CAMKMT: variants seen among roughly 807,000 people sequenced by gnomAD.
CAMKMT encodes calmodulin-lysine N-methyltransferase.
In CAMKMT, 53 loss-of-function variants were observed where a neutral mutation model predicts 48.0. The observed-to-expected ratio is 1.10, with a 90% CI of 0.89 to 1.39. CAMKMT has a LOEUF of 1.39. Among genes scored for constraint, CAMKMT ranks in the 40% most tolerant of loss-of-function variants. CAMKMT has a pLI of 0.00. For synonymous variants in CAMKMT, 165 were observed against 152.3 expected, an observed-to-expected ratio of 1.08 and a Z score of -0.61; for missense variants, 428 against 402.7, an observed-to-expected ratio of 1.06 and a Z score of -0.54.
chr2:44,577,563 G>C (rs1385811188), intron 3 of CAMKMT, among the ~76,000 whole-genome samples: 1 of 151,370 alleles, frequency 6.6e-6, no homozygotes, highest in Non-Finnish European at 1.5e-5. Context: ...AGGCTGCAGT[G>C]ATCTATGATC....
intron 7 of CAMKMT, among the ~76,000 whole-genome samples, chr2:44,734,439 G>A (rs1239777683): frequency 3.3e-5 from 5 of 151,690 alleles, no homozygotes; most frequent in African/African-American, 1.2e-4. Flanking sequence ...TTTTGAGACA[G>A]GTTCTCGCTG....
At chr2:44,539,536 C>A (rs1181417831) in intron 3 of CAMKMT, among the ~76,000 whole-genome samples, 1 of 152,118 alleles carries the variant, frequency 6.6e-6, no homozygotes, top group African/African-American at 2.4e-5. Flanking sequence ...AAACCATATT[C>A]AGATTTCATC....
intron 3 of CAMKMT, among the ~76,000 whole-genome samples, chr2:44,501,759 T>C (rs1370804326): frequency 6.6e-6 from 1 of 152,128 alleles, no homozygotes; most frequent in Non-Finnish European, 1.5e-5. Flanking sequence ...GGCTCGTGCT[T>C]GTAGTCCCAG....
intron 3 of CAMKMT, among the ~76,000 whole-genome samples, chr2:44,396,312 A>AAGT (rs1681836052): frequency 6.6e-6 from 1 of 152,186 alleles, no homozygotes; most frequent in South Asian, 2.1e-4. Flanking sequence ...AAAAATTGAA[A>AAGT]TACAAATTAC....
chr2:44,420,370 G>A (rs1445749665), intron 3 of CAMKMT, among the ~76,000 whole-genome samples: 1 of 151,970 alleles, frequency 6.6e-6, no homozygotes, highest in Non-Finnish European at 1.5e-5. Context: ...TTGCTAGAGG[G>A]GCAATATATA....
At chr2:44,620,408 A>C (rs1293311775) in intron 3 of CAMKMT, among the ~76,000 whole-genome samples, 1 of 152,146 alleles carries the variant, frequency 6.6e-6, no homozygotes, top group Non-Finnish European at 1.5e-5. Flanking sequence ...TTAACCCTAC[A>C]TAAAGCTAAA....
At chr2:44,736,737 A>G (rs898995020) in intron 7 of CAMKMT, among the ~76,000 whole-genome samples, 1 of 152,040 alleles carries the variant, frequency 6.6e-6, no homozygotes, top group African/African-American at 2.4e-5. Context: ...TTCTATCACT[A>G]TGTTTTCAAG....
At chr2:44,434,721 T>C (rs1684848780) in intron 3 of CAMKMT, among the ~76,000 whole-genome samples, 1 of 152,220 alleles carries the variant, frequency 6.6e-6, no homozygotes, top group South Asian at 2.1e-4. Context: ...AGAGATGCTG[T>C]AAATTCCTCT....
chr2:44,444,922 A>AC (rs754228920), intron 3 of CAMKMT, among the ~76,000 whole-genome samples: 1 of 151,994 alleles, frequency 6.6e-6, no homozygotes, highest in African/African-American at 2.4e-5. Flanking sequence ...AGTCCATGCA[A>AC]CCCCCCAAGA....
At chr2:44,562,126 C>G (rs1668355840) in intron 3 of CAMKMT, among the ~76,000 whole-genome samples, 1 of 152,188 alleles carries the variant, frequency 6.6e-6, no homozygotes, top group Non-Finnish European at 1.5e-5. Flanking sequence ...GGCTTTGTAA[C>G]TTGCCACCCA....
intron 3 of CAMKMT, among the ~76,000 whole-genome samples, chr2:44,475,365 T>G (rs1380938308): frequency 1.3e-5 from 2 of 151,450 alleles, no homozygotes; most frequent in African/African-American, 2.4e-5. Context: ...TCACCCAGGC[T>G]GGAGTGCAGT....
intron 3 of CAMKMT, among the ~76,000 whole-genome samples, chr2:44,635,621 C>G (rs1673085396): frequency 6.6e-6 from 1 of 152,134 alleles, no homozygotes; most frequent in African/African-American, 2.4e-5. Context: ...AAGATTTGAT[C>G]AGAATTCTGA....
chr2:44,662,753 G>A (rs1225430990), intron 3 of CAMKMT, among the ~76,000 whole-genome samples: 1 of 152,030 alleles, frequency 6.6e-6, no homozygotes, highest in Admixed American at 6.6e-5. Context: ...TTGTAGAGAT[G>A]GGATTTTGCC....
chr2:44,483,432 C>G (rs1179586441), intron 3 of CAMKMT, among the ~76,000 whole-genome samples: 1 of 152,066 alleles, frequency 6.6e-6, no homozygotes, highest in African/African-American at 2.4e-5. Context: ...AAGATGTTAT[C>G]TAGTTAATGC....
At chr2:44,387,619 A>G (rs931010689) in intron 2 of CAMKMT, among the ~76,000 whole-genome samples, 2 of 151,710 alleles carry the variant, frequency 1.3e-5, no homozygotes, top group African/African-American at 4.8e-5. Flanking sequence ...TTTGTTTTAT[A>G]GGTCCTGTGT....
rs930201542 is a variant in CAMKMT, at chr2:44,481,664, T to C, written c.376+91359T>C. Among the ~76,000 whole-genome samples the C allele has an allele frequency of 3.3e-5, 5 of 152,124 alleles. No homozygotes were observed. In the East Asian group the frequency reaches 5.8e-4, roughly 18 times the overall value. Reference sequence around the variant, plus strand: ...ATATATGTCCTTCAGTGAATTCATATTGCTATTCAACAAAACATTCCCTAA... The same window carrying C: ...ATATATGTCCTTCAGTGAATTCATACTGCTATTCAACAAAACATTCCCTAA... On this transcript the variant is annotated intron_variant, in intron 3 of 10. Coordinates refer to ENST00000378494, the MANE Select transcript of CAMKMT (RefSeq NM_024766.5).
intron 3 of CAMKMT, among the ~76,000 whole-genome samples, chr2:44,488,487 A>G (rs1035339535): frequency 6.6e-6 from 1 of 152,144 alleles, no homozygotes; most frequent in African/African-American, 2.4e-5. Context: ...CTGAGTAACA[A>G]GAGCAAAACT....
chr2:44,653,146 G>C lies in CAMKMT; in HGVS notation c.377-51137G>C, dbSNP rs1674184513. 6.6e-6 allele frequency among the ~76,000 whole-genome samples: 1 copy of C among 152,010 alleles called. No individual in the cohort carries two copies. Among genetic ancestry groups the C allele is most frequent in the South Asian group, 2.1e-4 (1 of 4,820 alleles). On this transcript the variant is annotated intron_variant, in intron 3 of 10. Coordinates refer to ENST00000378494, the MANE Select transcript of CAMKMT (RefSeq NM_024766.5). This position sits in a 1 kb window ranked among gnomAD's most constrained non-coding sequence, Gnocchi z 5.2. ...TACAGTCTTGTGCTTGTTGATCCTG[G>C]CTTCATAAGAGTCTTTTTTTATTAT...
At chr2:44,460,932 A>G (rs1667817193) in intron 3 of CAMKMT, among the ~76,000 whole-genome samples, 1 of 152,000 alleles carries the variant, frequency 6.6e-6, no homozygotes, top group Non-Finnish European at 1.5e-5. Context: ...CATGTTGGCC[A>G]GGCTGGTCTC....
Sources: gnomAD v4.1 joint callset for allele counts (sites outside exome capture counted in the v4.1 genomes callset) on GRCh38, gnomAD v4.1.1 for gene constraint, Gnocchi (gnomAD v3.1) non-coding constraint, MANE v1.5 for transcripts, NCBI Gene and HGNC (gene_info 2026-07-23, HGNC 2026-07-21) for gene names.